The following L3MBTL4 variants were observed in gnomAD, a reference collection of about 807,000 sequenced individuals.
L3MBTL4 encodes L3MBTL histone methyl-lysine binding protein 4.
L3MBTL4 carries 70 observed loss-of-function variants against 84.5 expected under a neutral mutation model. The observed-to-expected ratio is 0.83, with a 90% CI of 0.68 to 1.01. The LOEUF (loss-of-function observed/expected upper bound fraction) is 1.01. Among genes scored for constraint, L3MBTL4 ranks in the 50% least tolerant of loss-of-function variants. The pLI, the probability that L3MBTL4 is intolerant of heterozygous loss-of-function variation, is 0.00. For synonymous variants in L3MBTL4, 274 were observed against 259.8 expected, an observed-to-expected ratio of 1.05 and a Z score of -0.52; for missense variants, 715 against 754.8, an observed-to-expected ratio of 0.95 and a Z score of 0.62.
At chr18:6,121,065 A>G (rs1165108701) in intron 14 of L3MBTL4, among the ~76,000 whole-genome samples, 1 of 152,094 alleles carries the variant, frequency 6.6e-6, no homozygotes, top group Non-Finnish European at 1.5e-5. Context: ...AAAAAGCCCC[A>G]AGGTCAAGTC....
chr18:6,081,166 G>T, intron 15 of L3MBTL4: 1 of 420,530 alleles, frequency 2.4e-6, no homozygotes, highest in Non-Finnish European at 4.2e-6. Flanking sequence ...AATTTAAAAG[G>T]CCTTTCCCCC....
In L3MBTL4 at chr18:6,134,829, C is replaced by T. The variant is rs1417273032; in HGVS notation, c.1199+3365G>A. Among the ~76,000 whole-genome samples the T allele has an allele frequency of 6.6e-5, 10 of 152,102 alleles. No homozygotes were observed. The East Asian group carries it at 1.7e-3, about 27-fold the overall frequency. On this transcript the variant is annotated intron_variant, in intron 14 of 18. Coordinates refer to ENST00000317931, the MANE Select transcript of L3MBTL4 (RefSeq NM_001330559.2). ...CCAGGTGCATGGTACAAGCTGTCAGCGGATCTACCATTCTGGGGTCTGGAG... is the reference window on the plus strand; with the variant it reads ...CCAGGTGCATGGTACAAGCTGTCAGTGGATCTACCATTCTGGGGTCTGGAG...
intron 5 of L3MBTL4, chr18:6,260,205 T>A (rs1165703850): frequency 3.3e-5 from 5 of 152,246 alleles, no homozygotes; most frequent in Admixed American, 3.3e-4. Flanking sequence ...TGCAGTATAG[T>A]CTGAAGTCAG....
intron 1 of L3MBTL4, among the ~76,000 whole-genome samples, chr18:6,323,347 G>T (rs1269510364): frequency 6.6e-6 from 1 of 152,182 alleles, no homozygotes. Flanking sequence ...AAGAGTCTAG[G>T]GGGCTCAGAA....
chr18:6,387,282 G>A (rs1268360463), intron 1 of L3MBTL4, among the ~76,000 whole-genome samples: 2 of 152,156 alleles, frequency 1.3e-5, no homozygotes, highest in East Asian at 3.9e-4. Flanking sequence ...ACAAAGTGAA[G>A]TAAATGGTTA....
At chr18:6,318,796 TA>T in intron 1 of L3MBTL4, among the ~76,000 whole-genome samples, 1 of 152,030 alleles carries the variant, frequency 6.6e-6, no homozygotes, top group Non-Finnish European at 1.5e-5. Context: ...CATATATTTA[TA>T]GAACACTCTA....
In L3MBTL4 at chr18:6,013,072, G is replaced by A. The variant is rs572065500; in HGVS notation, c.1445-43510C>T. Among the ~76,000 whole-genome samples, 5 of 152,206 alleles carry A rather than the reference G, an allele frequency of 3.3e-5. No homozygotes were observed. In the South Asian group the frequency reaches 1.0e-3, roughly 32 times the overall value. ...GACCAAGTGGTTCCCTCAAACACAGGCTCACTCTTTTAAGGGGAAACAAAT... is the reference window on the plus strand; with the variant it reads ...GACCAAGTGGTTCCCTCAAACACAGACTCACTCTTTTAAGGGGAAACAAAT... On this transcript the variant is annotated intron_variant, in intron 16 of 18. Transcript: ENST00000317931.
chr18:6,120,092 T>C (rs1222680547), intron 14 of L3MBTL4, among the ~76,000 whole-genome samples: 2 of 152,210 alleles, frequency 1.3e-5, no homozygotes, highest in Non-Finnish European at 2.9e-5. Flanking sequence ...ACTGAGGGCC[T>C]GAAACAGCAC....
intron 1 of L3MBTL4, among the ~76,000 whole-genome samples, chr18:6,335,879 T>C (rs2052309698): frequency 6.6e-6 from 1 of 152,208 alleles, no homozygotes; most frequent in African/African-American, 2.4e-5. Flanking sequence ...CAATTAAACC[T>C]CCTTTGTTTA....
At chr18:6,298,453 C>T (rs2050195554) in intron 4 of L3MBTL4, among the ~76,000 whole-genome samples, 1 of 152,018 alleles carries the variant, frequency 6.6e-6, no homozygotes, top group Non-Finnish European at 1.5e-5. Flanking sequence ...ATAATCTTTG[C>T]TAGTTTGTTG....
At chr18:5,989,908 G>C (rs1468646325) in intron 16 of L3MBTL4, among the ~76,000 whole-genome samples, 1 of 152,226 alleles carries the variant, frequency 6.6e-6, no homozygotes, top group Non-Finnish European at 1.5e-5. Context: ...GGCACCACTG[G>C]AGGTGAGGGT....
chr18:5,969,611 C>A, intron 16 of L3MBTL4, 49 bp from the exon 17 acceptor site: 2 of 1,548,240 alleles, frequency 1.3e-6, no homozygotes, highest in South Asian at 1.2e-5. Flanking sequence ...AGAGAGCAAG[C>A]ACTGCTGTGT....
intron 12 of L3MBTL4, among the ~76,000 whole-genome samples, chr18:6,192,566 C>A (rs535304779): frequency 1.3e-5 from 2 of 151,934 alleles, no homozygotes; most frequent in East Asian, 3.9e-4. Context: ...TAGGCATCAT[C>A]GGCTGAGAAC....
chr18:6,357,650 G>A (rs979030602), intron 1 of L3MBTL4, among the ~76,000 whole-genome samples: 7 of 151,896 alleles, frequency 4.6e-5, no homozygotes, highest in Admixed American at 2.0e-4. Flanking sequence ...TCCATGACTG[G>A]GGCCTAATTG....
chr18:6,391,614 G>C (rs1291043415), intron 1 of L3MBTL4, among the ~76,000 whole-genome samples: 1 of 152,074 alleles, frequency 6.6e-6, no homozygotes, highest in Non-Finnish European at 1.5e-5. Flanking sequence ...TCCTAGATTT[G>C]ATAAGCAAAT....
chr18:6,381,350 A>C (rs564862935), intron 1 of L3MBTL4, among the ~76,000 whole-genome samples: 14 of 152,150 alleles, frequency 9.2e-5, no homozygotes, highest in African/African-American at 3.1e-4. Flanking sequence ...TAATATTCTT[A>C]TGTGTGAATT....
rs1224776715 is a variant in L3MBTL4, at chr18:6,311,569, A to T, written c.57T>A (p.Asp19Glu). The T allele has an allele frequency of 1.9e-6, 3 of 1,613,134 alleles. No homozygotes were observed. The Admixed American group carries it at 5.0e-5, about 27-fold the overall frequency. ...KLNMDSKERL[D>E]QDGRLEQAEE... ...GACATCTTACCAAGCGTCCGTCCTG[A>T]TCCAAACGCTCTTTGGAATCCATAT... Residue 19 changes from aspartate (D) to glutamate (E), a missense_variant, in exon 3 of 19, where the codon GAT (aspartate) becomes GAA (glutamate). By Grantham distance (45) the Asp-to-Glu change is conservative. Coordinates refer to ENST00000317931, the MANE Select transcript of L3MBTL4 (RefSeq NM_001330559.2).
intron 1 of L3MBTL4, among the ~76,000 whole-genome samples, chr18:6,322,866 G>C (rs1320061970): frequency 6.6e-6 from 1 of 152,144 alleles, no homozygotes; most frequent in East Asian, 1.9e-4. Flanking sequence ...GTTTGGATCT[G>C]TGTCCCTGCC....
chr18:6,037,070 T>G (rs2056175075), intron 16 of L3MBTL4, among the ~76,000 whole-genome samples: 1 of 152,230 alleles, frequency 6.6e-6, no homozygotes, highest in Non-Finnish European at 1.5e-5. Flanking sequence ...CGGGGAGATG[T>G]GACAACAATG....
Sources: allele counts gnomAD v4.1 joint callset (sites outside exome capture counted in the v4.1 genomes callset), GRCh38; gene constraint gnomAD v4.1.1; transcripts MANE v1.5; gene names NCBI Gene and HGNC (gene_info 2026-07-23, HGNC 2026-07-21).